RAB3IP: variants seen among roughly 807,000 people sequenced by gnomAD.
RAB3IP encodes rab-3A-interacting protein.
In RAB3IP, 36 loss-of-function variants were observed where a neutral mutation model predicts 59.1. The observed-to-expected ratio is 0.61, with a 90% CI of 0.47 to 0.80. The LOEUF (loss-of-function observed/expected upper bound fraction) is 0.80, where lower values mean the gene tolerates loss of function less well. Ranked by LOEUF, RAB3IP falls within the 30% of genes least tolerant of loss-of-function variation. The pLI, the probability that RAB3IP is intolerant of heterozygous loss-of-function variation, is 0.00. For synonymous variants in RAB3IP, 207 were observed against 191.2 expected, an observed-to-expected ratio of 1.08 and a Z score of -0.68; for missense variants, 511 against 536.0, an observed-to-expected ratio of 0.95 and a Z score of 0.46.
At chr12:69,762,876 A>G (rs1313924461) in intron 3 of RAB3IP, among the ~76,000 whole-genome samples, 3 of 152,156 alleles carry the variant, frequency 2.0e-5, no homozygotes, top group Admixed American at 2.0e-4. Flanking sequence ...TGAAAATCAC[A>G]TACTTGCACT....
intron 8 of RAB3IP, among the ~76,000 whole-genome samples, chr12:69,803,970 T>A (rs1314147449): frequency 1.3e-5 from 2 of 152,226 alleles, no homozygotes; most frequent in Non-Finnish European, 2.9e-5. Context: ...CATGTGCATG[T>A]GTCTTTATAG....
At position 69,821,038 on chromosome 12, in the gene RAB3IP, A is replaced by G. The variant is rs1881687882; in HGVS notation, c.*5592A>G. Reference sequence around the variant, plus strand: ...TTAAAAGAATTGAAACCCTTCCTAAAGGCAGCTTCTCAAGGGAGCACAAGT... The same window carrying G: ...TTAAAAGAATTGAAACCCTTCCTAAGGGCAGCTTCTCAAGGGAGCACAAGT... On this transcript the variant is annotated 3_prime_UTR_variant, in exon 11 of 11. Transcript: ENST00000247833. The G allele has an allele frequency of 6.6e-6, 1 of 152,182 alleles. No individual in the cohort carries two copies. The allele number at this position is 152,182 out of a possible 1,614,324, so 9.4% of individuals were successfully genotyped here.
At chr12:69,801,753 G>T in intron 8 of RAB3IP, 32 bp downstream of exon 8, 1 of 1,352,192 alleles carries the variant, frequency 7.4e-7, no homozygotes, top group South Asian at 1.2e-5. Context: ...CTGTGAAAGT[G>T]ACTGAGTTTT....
intron 3 of RAB3IP, among the ~76,000 whole-genome samples, chr12:69,757,419 A>G (rs1302084299): frequency 3.3e-5 from 5 of 152,232 alleles, no homozygotes; most frequent in Non-Finnish European, 7.3e-5. Context: ...CTTTAAGAAG[A>G]TTAATAAAAT....
rs1270066456 is a variant in RAB3IP, at chr12:69,755,664, G to A, written c.251+5G>A. The A allele has an allele frequency of 6.3e-7, 1 of 1,595,594 alleles. No homozygotes were observed. Among genetic ancestry groups the A allele is most frequent in the African/African-American group, 1.3e-5 (1 of 74,346 alleles). The stretch of plus-strand genomic sequence containing the variant: ...TGCGGAAATATCTAGTATCAGGTAG[G>A]AAATAAGTAAATCACTTATTTGATT... On this transcript the variant is annotated splice_donor_5th_base_variant and intron_variant, in intron 2 of 10. Coordinates refer to ENST00000247833, the MANE Select transcript of RAB3IP (RefSeq NM_022456.5).
chr12:69,739,981 GT>G (rs1887144503), intron 1 of RAB3IP: 1 of 968,426 alleles, frequency 1.0e-6, no homozygotes, highest in South Asian at 1.4e-5. Flanking sequence ...ACACTCTCCT[GT>G]TTCACCCCAA....
intron 3 of RAB3IP, among the ~76,000 whole-genome samples, chr12:69,772,695 T>C (rs1873344475): frequency 6.6e-6 from 1 of 152,224 alleles, no homozygotes; most frequent in Non-Finnish European, 1.5e-5. Context: ...CTCCATTCTT[T>C]TCCCACATTT....
intron 1 of RAB3IP, among the ~76,000 whole-genome samples, chr12:69,751,146 G>C (rs769251003): frequency 6.6e-6 from 1 of 152,048 alleles, no homozygotes; most frequent in Non-Finnish European, 1.5e-5. Context: ...GAGGTACTTT[G>C]CTTTATTTTT....
intron 3 of RAB3IP, among the ~76,000 whole-genome samples, chr12:69,763,040 C>T (rs1871615405): frequency 6.6e-6 from 1 of 152,076 alleles, no homozygotes; most frequent in African/African-American, 2.4e-5. Context: ...TGATAACCAG[C>T]CATTTAGTTC....
At chr12:69,759,558 G>A (rs1246584796) in intron 3 of RAB3IP, among the ~76,000 whole-genome samples, 11 of 151,634 alleles carry the variant, frequency 7.3e-5, no homozygotes, top group African/African-American at 1.9e-4. Context: ...CAGAAGGGGC[G>A]GCCGGGCAGA....
intron 6 of RAB3IP, among the ~76,000 whole-genome samples, chr12:69,798,251 G>C (rs1203582428): frequency 6.6e-6 from 1 of 152,078 alleles, no homozygotes; most frequent in Non-Finnish European, 1.5e-5. Flanking sequence ...TTGTGGTTTT[G>C]ATTTGCATTT....
At position 69,795,322 on chromosome 12, in the gene RAB3IP, C is replaced by CAATT; in HGVS notation, c.867_870dup (p.Val291AsnfsTer9). On this transcript the variant is annotated frameshift_variant, in exon 6 of 11. Coordinates refer to ENST00000247833, the MANE Select transcript of RAB3IP (RefSeq NM_022456.5). LOFTEE classifies it high-confidence loss of function. Reference sequence around the variant, plus strand: ...CATCAGGACCTCAGTGTGATACAGCCAATTGTAAAAGACTGCAAAGAGGTA... The same window carrying CAATT: ...CATCAGGACCTCAGTGTGATACAGCCAATTAATTGTAAAAGACTGCAAAGAGGTA... 1 of 1,613,626 alleles carries CAATT rather than the reference C, an allele frequency of 6.2e-7. No individual in the cohort carries two copies. Among genetic ancestry groups the CAATT allele is most frequent in the Non-Finnish European group, 8.5e-7 (1 of 1,179,614 alleles).
At position 69,815,432 on chromosome 12, in the gene RAB3IP, A is replaced by G; in HGVS notation, c.1369A>G (p.Lys457Glu). The G allele has an allele frequency of 6.2e-7, 1 of 1,611,426 alleles. No homozygotes were observed. The highest frequency in any genetic ancestry group is 1.3e-5 in the African/African-American group (1 of 74,994). ...EMSLAKLGYF[K>E]EEL is the part of the protein sequence containing the mutation. ...GTCATTGGCAAAGCTGGGTTATTTC[A>G]AAGAGGAACTCTGATGCTCTGCGTG... The change falls in exon 11 of 11, where the codon AAA (lysine) becomes GAA (glutamate). Residue 457 changes from lysine to glutamate, a missense_variant. By Grantham distance (56) the Lys-to-Glu change is moderately conservative (BLOSUM62 1). Coordinates refer to ENST00000247833, the MANE Select transcript of RAB3IP (RefSeq NM_022456.5).
intron 8 of RAB3IP, among the ~76,000 whole-genome samples, chr12:69,803,988 A>AT (rs1218650213): frequency 1.3e-5 from 2 of 152,156 alleles, no homozygotes; most frequent in Non-Finnish European, 2.9e-5. Context: ...TAGCAGCATG[A>AT]TTTATAGTCC....
At chr12:69,740,599 A>G (rs1887232547) in intron 1 of RAB3IP, among the ~76,000 whole-genome samples, 1 of 152,178 alleles carries the variant, frequency 6.6e-6, no homozygotes, top group Admixed American at 6.5e-5. Flanking sequence ...GTAATCTTTC[A>G]CCAGGATGGC....
chr12:69,754,689 G>A (rs998544808), intron 1 of RAB3IP, among the ~76,000 whole-genome samples: 2 of 152,168 alleles, frequency 1.3e-5, no homozygotes, highest in African/African-American at 2.4e-5. Context: ...TAATTAGCTA[G>A]TTAGCTATTT....
intron 1 of RAB3IP, among the ~76,000 whole-genome samples, chr12:69,750,449 G>GT (rs1222821132): frequency 1.3e-5 from 2 of 149,684 alleles, no homozygotes; most frequent in African/African-American, 4.9e-5. Context: ...AACATAATTT[G>GT]TTTTTACAGT....
At chr12:69,754,497 G>A (rs73332040) in intron 1 of RAB3IP, among the ~76,000 whole-genome samples, 205 of 152,094 alleles carry the variant, frequency 1.3e-3, no homozygotes, top group African/African-American at 4.6e-3. Flanking sequence ...TGTCTTTACC[G>A]CCTTTCTACT....
At chr12:69,751,111 A>G (rs1164879167) in intron 1 of RAB3IP, among the ~76,000 whole-genome samples, 2 of 152,216 alleles carry the variant, frequency 1.3e-5, no homozygotes, top group Non-Finnish European at 2.9e-5. Context: ...AATTGGTTCC[A>G]TAGCATTGAT....
Sources: allele counts gnomAD v4.1 joint callset (sites outside exome capture counted in the v4.1 genomes callset), GRCh38; gene constraint gnomAD v4.1.1; transcripts MANE v1.5; gene names NCBI Gene and HGNC (gene_info 2026-07-23, HGNC 2026-07-21).